Variants in ZNF804B observed in about 807,000 individuals in gnomAD.
The protein encoded by ZNF804B is zinc finger 804B.
ZNF804B carries 80 observed loss-of-function variants against 101.4 expected under a neutral mutation model. The observed-to-expected ratio is 0.79, with a 90% CI of 0.66 to 0.95. The LOEUF is 0.95. Ranked by LOEUF, ZNF804B falls within the 40% of genes least tolerant of loss-of-function variation. ZNF804B has a pLI of 0.00. For missense variants in ZNF804B, 1,673 were observed against 1,561.9 expected (o/e 1.07, Z -1.20); for synonymous variants, 622 against 558.8 (o/e 1.11, Z -1.59).
chr7:89,056,921 TG>T (rs1223200526), intron 1 of ZNF804B, among the ~76,000 whole-genome samples: 1 of 151,984 alleles, frequency 6.6e-6, no homozygotes, highest in Non-Finnish European at 1.5e-5. Context: ...CAGGGGAATT[TG>T]GGGTTAGGGT....
intron 1 of ZNF804B, among the ~76,000 whole-genome samples, chr7:89,131,840 T>C (rs2116380517): frequency 6.6e-6 from 1 of 152,122 alleles, no homozygotes; most frequent in South Asian, 2.1e-4. Context: ...TTGAGGGTTC[T>C]GGAGACGTAC....
chr7:89,169,924 A>C (rs967968065), intron 1 of ZNF804B, among the ~76,000 whole-genome samples: 1 of 152,164 alleles, frequency 6.6e-6, no homozygotes, highest in South Asian at 2.1e-4. Flanking sequence ...AGAAATAAGA[A>C]GCTATTGGTA....
At chr7:89,014,653 A>G (rs908750988) in intron 1 of ZNF804B, among the ~76,000 whole-genome samples, 1 of 152,136 alleles carries the variant, frequency 6.6e-6, no homozygotes, top group East Asian at 1.9e-4. Flanking sequence ...GGCCATTTGT[A>G]TGTCTCTGAG....
At chr7:89,209,295 A>T (rs1788767624) in intron 1 of ZNF804B, among the ~76,000 whole-genome samples, 1 of 152,042 alleles carries the variant, frequency 6.6e-6, no homozygotes, top group Non-Finnish European at 1.5e-5. Flanking sequence ...TCTTTGATGA[A>T]TCATTAATAG....
intron 2 of ZNF804B, among the ~76,000 whole-genome samples, chr7:89,282,475 C>T (rs1356781502): frequency 6.6e-6 from 1 of 152,112 alleles, no homozygotes; most frequent in Non-Finnish European, 1.5e-5. Flanking sequence ...ACTTTCCACT[C>T]AACGTGAACC....
intron 3 of ZNF804B, among the ~76,000 whole-genome samples, chr7:89,329,201 G>A (rs801835): frequency 0.19 from 28,382 of 151,598 alleles, 3,240 homozygotes; most frequent in African/African-American, 0.32. Flanking sequence ...CAATGTGCCC[G>A]TATTGTTATG....
At chr7:89,001,158 A>AAT (rs1233977435) in intron 1 of ZNF804B, among the ~76,000 whole-genome samples, 1 of 148,798 alleles carries the variant, frequency 6.7e-6, no homozygotes, top group African/African-American at 2.4e-5. Flanking sequence ...TATATTATAC[A>AAT]ATATATATAT....
At chr7:89,138,100 G>T (rs1453920777) in intron 1 of ZNF804B, among the ~76,000 whole-genome samples, 2 of 152,158 alleles carry the variant, frequency 1.3e-5, no homozygotes, top group African/African-American at 4.8e-5. Flanking sequence ...GATTTCAGAG[G>T]ATGTATGGAA....
chr7:88,803,607 A>G (rs537844415), intron 1 of ZNF804B, among the ~76,000 whole-genome samples: 3 of 152,272 alleles, frequency 2.0e-5, no homozygotes, highest in Admixed American at 6.6e-5. Context: ...GAAGGTTTGA[A>G]TATCAGTTAC....
intron 1 of ZNF804B, among the ~76,000 whole-genome samples, chr7:89,027,025 T>C (rs1788762181): frequency 6.6e-6 from 1 of 152,038 alleles, no homozygotes; most frequent in Non-Finnish European, 1.5e-5. Flanking sequence ...TATCAATATT[T>C]GGAACATCAA....
chr7:89,214,954 A>G (rs1235822606), intron 1 of ZNF804B, among the ~76,000 whole-genome samples: 1 of 152,186 alleles, frequency 6.6e-6, no homozygotes, highest in Admixed American at 6.5e-5. Flanking sequence ...CCTAGCCATT[A>G]GATTTTATAC....
intron 1 of ZNF804B, among the ~76,000 whole-genome samples, chr7:88,854,982 A>AGT (rs1791533322): frequency 6.6e-6 from 1 of 151,512 alleles, no homozygotes; most frequent in Non-Finnish European, 1.5e-5. Context: ...TATGTGCCAC[A>AGT]TTTTCTTAAT....
chr7:88,852,661 T>C (rs10251878), intron 1 of ZNF804B, among the ~76,000 whole-genome samples: 1,990 of 152,254 alleles, frequency 0.013, 44 homozygotes, highest in African/African-American at 0.046. Context: ...CTCTGTTCCA[T>C]TATGATTTAA....
chr7:88,992,094 A>G (rs1342371334), intron 1 of ZNF804B, among the ~76,000 whole-genome samples: 1 of 152,126 alleles, frequency 6.6e-6, no homozygotes, highest in Admixed American at 6.6e-5. Context: ...CCTGAGGATG[A>G]CAGTGATGAG....
At chr7:89,004,569 T>G (rs151132819) in intron 1 of ZNF804B, among the ~76,000 whole-genome samples, 1 of 152,048 alleles carries the variant, frequency 6.6e-6, no homozygotes, top group Non-Finnish European at 1.5e-5. Context: ...AATTATAGTG[T>G]GGTGACGGCA....
intron 1 of ZNF804B, among the ~76,000 whole-genome samples, chr7:88,811,140 A>T (rs1365125330): frequency 6.6e-6 from 1 of 152,180 alleles, no homozygotes; most frequent in Admixed American, 6.5e-5. Context: ...AGGTGCTCTT[A>T]TGTTAATTCT....
At chr7:89,291,209 C>T (rs905195038) in intron 2 of ZNF804B, among the ~76,000 whole-genome samples, 5 of 152,146 alleles carry the variant, frequency 3.3e-5, no homozygotes, top group African/African-American at 1.2e-4. Flanking sequence ...GTACCCAACC[C>T]TTCAATGCCC....
intron 1 of ZNF804B, among the ~76,000 whole-genome samples, chr7:89,195,220 A>G (rs1392164355): frequency 1.3e-5 from 2 of 149,076 alleles, no homozygotes; most frequent in African/African-American, 5.0e-5. Context: ...TGACAAACCC[A>G]CAGCCAATAT....
chr7:89,076,834 G>T (rs997953969), intron 1 of ZNF804B, among the ~76,000 whole-genome samples: 1 of 152,210 alleles, frequency 6.6e-6, no homozygotes, highest in East Asian at 1.9e-4. Context: ...ATACAGGAGA[G>T]AGAAGGATGC....
Sources: allele counts gnomAD v4.1 joint callset (sites outside exome capture counted in the v4.1 genomes callset), GRCh38; gene constraint gnomAD v4.1.1; transcripts MANE v1.5; gene names NCBI Gene and HGNC (gene_info 2026-07-23, HGNC 2026-07-21).